IGSF3: variants seen among roughly 807,000 people sequenced by gnomAD.
IGSF3 encodes the protein glu-Trp-Ile EWI motif-containing protein 3.
IGSF3 carries 23 observed loss-of-function variants against 114.4 expected under a neutral mutation model. That is an observed-to-expected ratio of 0.20 (90% CI 0.14 to 0.28). The LOEUF is 0.28. Ranked by LOEUF, IGSF3 falls within the 10% of genes least tolerant of loss-of-function variation. The pLI, the probability that IGSF3 is intolerant of heterozygous loss-of-function variation, is 1.00. For synonymous variants in IGSF3, 571 were observed against 645.2 expected, an observed-to-expected ratio of 0.88 and a Z score of 1.74; for missense variants, 1,172 against 1,591.5, an observed-to-expected ratio of 0.74 and a Z score of 4.48.
At position 116,642,562 on chromosome 1, in the gene IGSF3, T is replaced by TGTCA. The variant is rs1648157723; in HGVS notation, c.43+23718_43+23721dup. On this transcript the variant is annotated intron_variant, in intron 2 of 10. Transcript: ENST00000369486. This position sits in a 1 kb window ranked among gnomAD's most constrained non-coding sequence, Gnocchi z 5.4. ...TTTGGCCTAGAACGGAGCTAAAAAC[T>TGTCA]GTCATAGTGGTGGGAAGAAGCAGAT... Among the ~76,000 whole-genome samples, 1 of 152,164 alleles carries TGTCA rather than the reference T, an allele frequency of 6.6e-6. No homozygotes were observed. The highest frequency in any genetic ancestry group is 2.1e-4 in the South Asian group (1 of 4,834).
Position 116,664,859 on chromosome 1 carries a change from T to C in IGSF3, c.43+1425A>G, listed in dbSNP as rs965105057. ...CACTGGTTCTCTACTGAACCATGCA[T>C]GGAATTACCTGAGATAGCTCAAAGG... On this transcript the variant is annotated intron_variant, in intron 2 of 10. Transcript: ENST00000369486. The surrounding 1 kb of genome is among the most constrained non-coding windows in gnomAD (Gnocchi z 4.6). Among the ~76,000 whole-genome samples the C allele has an allele frequency of 3.3e-5, 5 of 152,194 alleles. No homozygotes were observed. Among genetic ancestry groups the C allele is most frequent in the Admixed American group, 1.3e-4 (2 of 15,286 alleles).
Position 116,616,589 on chromosome 1 carries a change from A to G in IGSF3, c.44-132T>C. On this transcript the variant is annotated intron_variant, in intron 2 of 10. Coordinates refer to ENST00000369486, the MANE Select transcript of IGSF3 (RefSeq NM_001007237.3). This position sits in a 1 kb window ranked among gnomAD's most constrained non-coding sequence, Gnocchi z 6.6. Reference sequence around the variant, plus strand: ...ATATAAACAGCTTACTGGCCCTTTCAAAGGCGCTTTGTGATTTATAAATAT... The same window carrying G: ...ATATAAACAGCTTACTGGCCCTTTCGAAGGCGCTTTGTGATTTATAAATAT... 3 of 688,314 alleles carry G rather than the reference A, an allele frequency of 4.4e-6. No individual in the cohort carries two copies. The highest frequency in any genetic ancestry group is 7.1e-6 in the Non-Finnish European group (3 of 421,478). The allele number at this position is 688,314 out of a possible 1,614,324, so 42.6% of individuals were successfully genotyped here.
intron 5 of IGSF3, among the ~76,000 whole-genome samples, chr1:116,604,482 T>C (rs1361935124): frequency 6.6e-6 from 1 of 152,198 alleles, no homozygotes; most frequent in East Asian, 1.9e-4. Context: ...TGAATATCCA[T>C]AATGTGCCAT....
chr1:116,602,704 G>A (rs769052521), intron 6 of IGSF3, among the ~76,000 whole-genome samples: 1 of 152,226 alleles, frequency 6.6e-6, no homozygotes, highest in African/African-American at 2.4e-5. Flanking sequence ...TGGTGACACA[G>A]TCCCAGGGAG....
At chr1:116,622,693 G>A (rs1661461547) in intron 2 of IGSF3, among the ~76,000 whole-genome samples, 1 of 152,098 alleles carries the variant, frequency 6.6e-6, no homozygotes, top group South Asian at 2.1e-4. Context: ...TAGTTTCTCT[G>A]CATACATCAT....
rs1171380713 is a variant in IGSF3, at chr1:116,608,299, T to G, written c.865A>C (p.Lys289Gln). Reference protein sequence around the residue: ...KEFTVRLETEKRLHTVGEPVE... With the variant: ...KEFTVRLETEQRLHTVGEPVE... ...GGCTCGCCCACCGTGTGCAGCCGCTTCTCTGTCTCCAGCCGAACAGTGAAT... is the reference window on the plus strand; with the variant it reads ...GGCTCGCCCACCGTGTGCAGCCGCTGCTCTGTCTCCAGCCGAACAGTGAAT... Residue 289 changes from lysine to glutamine, a missense_variant, in exon 5 of 11, where the codon AAG becomes CAG. This residue lies in a region of IGSF3 where 736 missense variants were observed against 1,042.0 expected (regional missense o/e 0.71). Coordinates refer to ENST00000369486, the MANE Select transcript of IGSF3 (RefSeq NM_001007237.3). 6.2e-7 allele frequency: 1 copy of G among 1,613,688 alleles called. No individual in the cohort carries two copies. The highest frequency in any genetic ancestry group is 8.5e-7 in the Non-Finnish European group (1 of 1,179,708).
intron 2 of IGSF3, among the ~76,000 whole-genome samples, chr1:116,659,420 T>C (rs1005314243): frequency 2.0e-5 from 3 of 152,118 alleles, no homozygotes; most frequent in African/African-American, 7.2e-5. Context: ...CATGTGATTT[T>C]CCACAAATAT....
chr1:116,579,648 G>GTCA lies in IGSF3; in HGVS notation c.3077_3078insTGA (p.Asp1026dup), dbSNP rs755193067. On this transcript the variant is annotated inframe_insertion, in exon 10 of 11. Transcript: ENST00000369486. This position sits in a 1 kb window ranked among gnomAD's most constrained non-coding sequence, Gnocchi z 6.4. Reference sequence around the variant, plus strand: ...TCAGCAGGGCCGTCCGCTCTGTTGGGTCGTCGTCGTCGTCGTCGTCCTCCT... The same window carrying GTCA: ...TCAGCAGGGCCGTCCGCTCTGTTGGGTCATCGTCGTCGTCGTCGTCGTCCTCCT... 6.6e-6 allele frequency: 7 copies of GTCA among 1,054,370 alleles called. No individual in the cohort carries two copies. Among genetic ancestry groups the GTCA allele is most frequent in the Non-Finnish European group, 8.4e-6 (6 of 713,390 alleles). The allele number at this position is 1,054,370 out of a possible 1,614,324, so 65.3% of individuals were successfully genotyped here. A position where few individuals can be genotyped will look rare whatever the true frequency, so the allele number is the denominator to read the frequency against.
At chr1:116,586,564 A>G (rs949525873) in intron 8 of IGSF3, among the ~76,000 whole-genome samples, 7 of 152,214 alleles carry the variant, frequency 4.6e-5, no homozygotes, top group African/African-American at 1.7e-4. Flanking sequence ...ACGGTGTTAA[A>G]GTTCACTGTA....
Position 116,644,795 on chromosome 1 carries a change from G to A in IGSF3, c.43+21489C>T, listed in dbSNP as rs1336186735. 6.6e-6 allele frequency among the ~76,000 whole-genome samples: 1 copy of A among 152,202 alleles called. No individual in the cohort carries two copies. Among genetic ancestry groups the A allele is most frequent in the Non-Finnish European group, 1.5e-5 (1 of 68,036 alleles). On this transcript the variant is annotated intron_variant, in intron 2 of 10. Transcript: ENST00000369486. This position sits in a 1 kb window ranked among gnomAD's most constrained non-coding sequence, Gnocchi z 5.6. ...CTTCCCAAGAAATTCCTGTGAAAAGGACAGGCTCAGGGCATGTGAATGTGA... is the reference window on the plus strand; with the variant it reads ...CTTCCCAAGAAATTCCTGTGAAAAGAACAGGCTCAGGGCATGTGAATGTGA...
At chr1:116,602,905 A>G (rs1231575687) in intron 6 of IGSF3, among the ~76,000 whole-genome samples, 9 of 152,236 alleles carry the variant, frequency 5.9e-5, no homozygotes, top group Admixed American at 5.9e-4. Flanking sequence ...CCTTGGTTTT[A>G]GCAAATCTCA....
rs1649138148 is a variant in IGSF3, at chr1:116,662,004, C to A, written c.43+4280G>T. Among the ~76,000 whole-genome samples the A allele has an allele frequency of 6.6e-6, 1 of 152,078 alleles. No homozygotes were observed. Among genetic ancestry groups the A allele is most frequent in the African/African-American group, 2.4e-5 (1 of 41,382 alleles). On this transcript the variant is annotated intron_variant, in intron 2 of 10. Transcript: ENST00000369486. This position sits in a 1 kb window ranked among gnomAD's most constrained non-coding sequence, Gnocchi z 4.3. ...ATGAAGTCATCTTGGGAATAGAGAG[C>A]ATGCACATGGAGCAAGACAGCAGGA...
At chr1:116,606,480 C>T (rs370272796) in intron 5 of IGSF3, 60 of 1,610,610 alleles carry the variant, frequency 3.7e-5, no homozygotes, top group Middle Eastern at 1.7e-4. Context: ...TGTTGTTCTT[C>T]GGCAGACTTA....
chr1:116,641,639 T>A (rs1648109564), intron 2 of IGSF3, among the ~76,000 whole-genome samples: 1 of 151,792 alleles, frequency 6.6e-6, no homozygotes, highest in Admixed American at 6.6e-5. Flanking sequence ...CACTGATCAC[T>A]GCAGCAGACA....
At chr1:116,653,201 T>C (rs1349228714) in intron 2 of IGSF3, among the ~76,000 whole-genome samples, 1 of 152,214 alleles carries the variant, frequency 6.6e-6, no homozygotes, top group East Asian at 1.9e-4. Flanking sequence ...GTCATCCCCG[T>C]TACAGATCAC....
chr1:116,600,581 C>G lies in IGSF3; in HGVS notation c.1625-236G>C, dbSNP rs542048858. 7.2e-5 allele frequency among the ~76,000 whole-genome samples: 11 copies of G among 152,282 alleles called. No homozygotes were observed. Among genetic ancestry groups the G allele is most frequent in the Admixed American group, 5.9e-4 (9 of 15,300 alleles). On this transcript the variant is annotated intron_variant, in intron 6 of 10. Coordinates refer to ENST00000369486, the MANE Select transcript of IGSF3 (RefSeq NM_001007237.3). This position sits in a 1 kb window ranked among gnomAD's most constrained non-coding sequence, Gnocchi z 5.5. The stretch of plus-strand genomic sequence containing the variant: ...TCCCCCTGAGCAGCACTAGCCTAAC[C>G]CTTCCCAGTGAGATCCTCGTGCATT...
intron 2 of IGSF3, among the ~76,000 whole-genome samples, chr1:116,619,341 C>T (rs538110253): frequency 2.0e-5 from 3 of 152,324 alleles, no homozygotes; most frequent in African/African-American, 7.2e-5. Flanking sequence ...ACGTCCTCCC[C>T]ACCCAATGGT....
chr1:116,662,641 T>C lies in IGSF3; in HGVS notation c.43+3643A>G, dbSNP rs1373817210. 6.6e-6 allele frequency among the ~76,000 whole-genome samples: 1 copy of C among 152,194 alleles called. No homozygotes were observed. Among genetic ancestry groups the C allele is most frequent in the African/African-American group, 2.4e-5 (1 of 41,444 alleles). On this transcript the variant is annotated intron_variant, in intron 2 of 10. Coordinates refer to ENST00000369486, the MANE Select transcript of IGSF3 (RefSeq NM_001007237.3). The surrounding 1 kb of genome is among the most constrained non-coding windows in gnomAD (Gnocchi z 4.3). Reference sequence around the variant, plus strand: ...TTCTCACAGCTGAAAGGCATCCTAGTAGGCCAAGTCCTCCTGACAAGAATT... The same window carrying C: ...TTCTCACAGCTGAAAGGCATCCTAGCAGGCCAAGTCCTCCTGACAAGAATT...
In IGSF3 at chr1:116,589,772, G is replaced by T. The variant is rs1660019016; in HGVS notation, c.2030-668C>A. On this transcript the variant is annotated intron_variant, in intron 7 of 10. Transcript: ENST00000369486. This position sits in a 1 kb window ranked among gnomAD's most constrained non-coding sequence, Gnocchi z 5.7. Reference sequence around the variant, plus strand: ...ATATCCTAGATGGTGAGCTCCCCCAGGGCAGGGATCAAACTCCTTCCACTC... The same window carrying T: ...ATATCCTAGATGGTGAGCTCCCCCATGGCAGGGATCAAACTCCTTCCACTC... Among the ~76,000 whole-genome samples the T allele has an allele frequency of 6.6e-6, 1 of 152,136 alleles. No homozygotes were observed. The highest frequency in any genetic ancestry group is 6.6e-5 in the Admixed American group (1 of 15,266).
Sources: allele counts gnomAD v4.1 joint callset (sites outside exome capture counted in the v4.1 genomes callset), GRCh38; gene constraint gnomAD v4.1.1; regional missense constraint gnomAD v4.1.1; non-coding constraint Gnocchi (gnomAD v3.1); transcripts MANE v1.5; gene names NCBI Gene and HGNC (gene_info 2026-07-23, HGNC 2026-07-21).